Variants in PCSK5 observed in about 807,000 individuals in gnomAD.
PCSK5 encodes the protein prohormone convertase 5.
Under a neutral mutation model 233.2 loss-of-function variants are expected in PCSK5, and 129 were observed. The ratio of observed to expected loss-of-function variants is 0.55; its 90% CI spans 0.48 to 0.64. The LOEUF is 0.64. Ranked by LOEUF, PCSK5 falls within the 30% of genes least tolerant of loss-of-function variation. PCSK5 has a pLI of 0.00. For synonymous variants in PCSK5, 825 were observed against 879.2 expected, an observed-to-expected ratio of 0.94 and a Z score of 1.09; for missense variants, 2,076 against 2,430.1, an observed-to-expected ratio of 0.85 and a Z score of 3.06.
At chr9:76,180,288 T>G (rs1171405200) in intron 15 of PCSK5, among the ~76,000 whole-genome samples, 1 of 152,076 alleles carries the variant, frequency 6.6e-6, no homozygotes, top group African/African-American at 2.4e-5. Flanking sequence ...GTACAATAGA[T>G]TTCTTGAACT....
At chr9:76,150,153 C>G (rs903241342) in intron 10 of PCSK5, among the ~76,000 whole-genome samples, 33 of 152,164 alleles carry the variant, frequency 2.2e-4, no homozygotes, top group Non-Finnish European at 2.9e-5. Context: ...AAGAGCCTGT[C>G]TGACTATGTA....
At chr9:76,033,428 A>G (rs938592418) in intron 5 of PCSK5, among the ~76,000 whole-genome samples, 2 of 152,172 alleles carry the variant, frequency 1.3e-5, no homozygotes, top group African/African-American at 4.8e-5. Context: ...AAATATTTTC[A>G]AATTTTTTTC....
chr9:76,020,345 C>A (rs1828127996), intron 3 of PCSK5, among the ~76,000 whole-genome samples: 1 of 152,170 alleles, frequency 6.6e-6, no homozygotes. Flanking sequence ...TCTCTGGATT[C>A]TTGAGGTATA....
chr9:75,999,168 A>G (rs1049587846), intron 3 of PCSK5, among the ~76,000 whole-genome samples: 2 of 152,100 alleles, frequency 1.3e-5, no homozygotes, highest in Non-Finnish European at 2.9e-5. Context: ...CCATCAACCC[A>G]TCACCTACAT....
intron 2 of PCSK5, among the ~76,000 whole-genome samples, chr9:75,936,921 C>A (rs1296449061): frequency 6.6e-6 from 1 of 152,068 alleles, no homozygotes; most frequent in Non-Finnish European, 1.5e-5. Context: ...AGACATTACT[C>A]CTTAATCCAT....
intron 1 of PCSK5, among the ~76,000 whole-genome samples, chr9:75,898,757 T>C (rs940035919): frequency 1.3e-5 from 2 of 151,898 alleles, no homozygotes; most frequent in African/African-American, 4.8e-5. Flanking sequence ...TAAGTTTATA[T>C]TGAAGTTTAT....
At chr9:76,261,914 A>G (rs1436362145) in intron 24 of PCSK5, among the ~76,000 whole-genome samples, 1 of 152,148 alleles carries the variant, frequency 6.6e-6, no homozygotes, top group Non-Finnish European at 1.5e-5. Flanking sequence ...GGCTGAGATG[A>G]TGGGGTTTTC....
At chr9:76,336,668 G>A (rs1226401090) in intron 34 of PCSK5, among the ~76,000 whole-genome samples, 1 of 152,086 alleles carries the variant, frequency 6.6e-6, no homozygotes, top group Non-Finnish European at 1.5e-5. Context: ...TTGCTATGAG[G>A]ATAAATCATA....
intron 14 of PCSK5, among the ~76,000 whole-genome samples, chr9:76,175,791 G>A (rs532427998): frequency 1.1e-3 from 175 of 152,228 alleles, no homozygotes; most frequent in African/African-American, 4.0e-3. Context: ...AGAGGTGAAC[G>A]TTTTAAAAGT....
At chr9:75,965,924 A>T (rs1825565208) in intron 2 of PCSK5, among the ~76,000 whole-genome samples, 1 of 152,226 alleles carries the variant, frequency 6.6e-6, no homozygotes, top group South Asian at 2.1e-4. Flanking sequence ...ACTAGCAGTG[A>T]TGTGGTTTGT....
intron 1 of PCSK5, among the ~76,000 whole-genome samples, chr9:75,895,120 T>C (rs7027130): frequency 0.13 from 19,258 of 152,138 alleles, 2,123 homozygotes; most frequent in African/African-American, 0.29. Context: ...TAAAACTAAA[T>C]GCAAGCCATA....
At chr9:76,017,479 T>C (rs1399247651) in intron 3 of PCSK5, among the ~76,000 whole-genome samples, 1 of 152,222 alleles carries the variant, frequency 6.6e-6, no homozygotes, top group East Asian at 1.9e-4. Context: ...CTTTCATCTT[T>C]ATAGCAATTA....
chr9:76,066,101 G>T (rs1364419090), intron 5 of PCSK5, among the ~76,000 whole-genome samples: 1 of 152,036 alleles, frequency 6.6e-6, no homozygotes, highest in Middle Eastern at 3.2e-3. Context: ...GCTTGGGATT[G>T]TTTTGGCTAT....
In PCSK5 at chr9:75,989,665, C is replaced by G. The variant is rs117528254; in HGVS notation, c.411+3420C>G. 3.0e-4 allele frequency among the ~76,000 whole-genome samples: 46 copies of G among 152,254 alleles called. No individual in the cohort carries two copies. The East Asian group carries it at 8.7e-3, about 29-fold the overall frequency. Reference sequence around the variant, plus strand: ...CAAGGTGGCCCAGTCACAAGGCTGGCACATGGGTTCCTCTCTATGTGGGCC... The same window carrying G: ...CAAGGTGGCCCAGTCACAAGGCTGGGACATGGGTTCCTCTCTATGTGGGCC... On this transcript the variant is annotated intron_variant, in intron 3 of 37. Transcript: ENST00000674117.
intron 32 of PCSK5, 21 bp downstream of exon 32, chr9:76,323,309 A>G (rs1829264872): frequency 3.5e-6 from 5 of 1,434,696 alleles, no homozygotes; most frequent in East Asian, 2.3e-5. Flanking sequence ...CTGGGATTCA[A>G]AATAGGCTCC....
intron 5 of PCSK5, among the ~76,000 whole-genome samples, chr9:76,061,007 A>C (rs568549693): frequency 6.6e-6 from 1 of 152,216 alleles, no homozygotes; most frequent in African/African-American, 2.4e-5. Flanking sequence ...AAATGTGTAT[A>C]CAAATTAAAT....
intron 25 of PCSK5, among the ~76,000 whole-genome samples, chr9:76,294,831 C>T (rs2131411983): frequency 6.6e-6 from 1 of 152,126 alleles, no homozygotes; most frequent in South Asian, 2.1e-4. Flanking sequence ...CAGACCAAGC[C>T]TGAAATTCAA....
Position 76,290,008 on chromosome 9 carries a change from C to T in PCSK5, c.3143-2225C>T, listed in dbSNP as rs537463819. On this transcript the variant is annotated intron_variant, in intron 24 of 37. Coordinates refer to ENST00000674117, the MANE Select transcript of PCSK5 (RefSeq NM_001372043.1). ...GAGCAGAGAGCAAGCTCATTAAGTT[C>T]CTAGATGGGAGGGATGACCAGAACA... is the stretch of plus-strand genomic sequence containing the variant. Among the ~76,000 whole-genome samples the T allele has an allele frequency of 2.6e-4, 40 of 152,232 alleles. No individual in the cohort carries two copies. In the South Asian group the frequency reaches 8.3e-3, roughly 32 times the overall value.
intron 3 of PCSK5, among the ~76,000 whole-genome samples, chr9:75,987,713 C>A (rs1194586442): frequency 6.6e-6 from 1 of 152,102 alleles, no homozygotes; most frequent in Non-Finnish European, 1.5e-5. Flanking sequence ...ATCCTTAGCC[C>A]CAGTAGCCGC....
Sources: allele counts gnomAD v4.1 joint callset (sites outside exome capture counted in the v4.1 genomes callset), GRCh38; gene constraint gnomAD v4.1.1; transcripts MANE v1.5; gene names NCBI Gene and HGNC (gene_info 2026-07-23, HGNC 2026-07-21).